The following MARCHF1 variants were observed in gnomAD, a reference collection of about 807,000 sequenced individuals.
MARCHF1 encodes membrane associated ring-CH-type finger 1, also known as E3 ubiquitin-protein ligase MARCHF1.
A neutral mutation model predicts 54.2 loss-of-function variants in MARCHF1; 40 were observed. The ratio of observed to expected loss-of-function variants is 0.74; its 90% CI spans 0.57 to 0.96. MARCHF1 has a LOEUF of 0.96. Among genes scored for constraint, MARCHF1 ranks in the 40% least tolerant of loss-of-function variants. The pLI is 0.00. For synonymous variants in MARCHF1, 236 were observed against 236.3 expected, an observed-to-expected ratio of 1.00 and a Z score of 0.01; for missense variants, 586 against 656.5, an observed-to-expected ratio of 0.89 and a Z score of 1.17.
At chr4:163,760,332 T>C (rs1216509408) in intron 4 of MARCHF1, among the ~76,000 whole-genome samples, 1 of 152,246 alleles carries the variant, frequency 6.6e-6, no homozygotes, top group Non-Finnish European at 1.5e-5. Context: ...AATCAGCTGA[T>C]TAGTCATCTT....
chr4:163,973,604 GA>G (rs1335937019), intron 3 of MARCHF1, among the ~76,000 whole-genome samples: 1 of 152,156 alleles, frequency 6.6e-6, no homozygotes, highest in Admixed American at 6.5e-5. Context: ...ACAGGGAGAT[GA>G]AAACAAATAC....
At position 163,528,941 on chromosome 4, in the gene MARCHF1, C is replaced by T. The variant is rs767993273; in HGVS notation, c.1445G>A (p.Trp482Ter). 1 of 1,613,298 alleles carries T rather than the reference C, an allele frequency of 6.2e-7. No homozygotes were observed. Among genetic ancestry groups the T allele is most frequent in the Non-Finnish European group, 8.5e-7 (1 of 1,179,556 alleles). Residue 482 changes from tryptophan (W) to a stop codon, truncating the protein, a stop_gained, in exon 10 of 10, where the codon TGG becomes TAG. Coordinates refer to ENST00000514618, the MANE Select transcript of MARCHF1 (RefSeq NM_001394959.1). LOFTEE classifies it high-confidence loss of function. ...ACGGTTGTAGGCCTTCAGCCTGCGC[C>T]ACAACTGAACATAGACTTTACACTG... is the stretch of plus-strand genomic sequence containing the variant. ...YVQCKVYVQL[W>*]RRLKAYNRVI... is the part of the protein sequence containing the mutation.
At chr4:163,826,427 C>CT (rs1173613885) in intron 4 of MARCHF1, among the ~76,000 whole-genome samples, 4 of 151,968 alleles carry the variant, frequency 2.6e-5, no homozygotes, top group Non-Finnish European at 5.9e-5. Flanking sequence ...AAAAATTTTA[C>CT]TTTGGATAAA....
intron 1 of MARCHF1, among the ~76,000 whole-genome samples, chr4:164,343,431 T>C (rs910652831): frequency 2.0e-5 from 3 of 152,106 alleles, no homozygotes; most frequent in Non-Finnish European, 4.4e-5. Flanking sequence ...ACAGACAACC[T>C]ACAGAATGGG....
intron 1 of MARCHF1, among the ~76,000 whole-genome samples, chr4:164,253,699 C>G (rs1227345516): frequency 6.6e-6 from 1 of 152,026 alleles, no homozygotes; most frequent in Non-Finnish European, 1.5e-5. Flanking sequence ...GAAATGAAAA[C>G]TTACATTCAC....
chr4:163,623,641 T>G (rs1222107020), intron 5 of MARCHF1, among the ~76,000 whole-genome samples: 1 of 152,208 alleles, frequency 6.6e-6, no homozygotes, highest in Non-Finnish European at 1.5e-5. Context: ...AGAGATACTT[T>G]GGATATTTCT....
chr4:164,111,405 A>G (rs1300612801), intron 2 of MARCHF1, among the ~76,000 whole-genome samples, 183 bp downstream of exon 2: 1 of 151,804 alleles, frequency 6.6e-6, no homozygotes, highest in Admixed American at 6.6e-5. Flanking sequence ...TAAGAAAGAA[A>G]TGCCTTTTCA....
intron 2 of MARCHF1, among the ~76,000 whole-genome samples, chr4:164,108,898 A>G (rs1024252262): frequency 5.3e-5 from 8 of 152,108 alleles, no homozygotes; most frequent in African/African-American, 1.4e-4. Flanking sequence ...TGTGATTTTT[A>G]AAAGTGCTTA....
At chr4:164,360,240 T>C (rs1196931694) in intron 1 of MARCHF1, among the ~76,000 whole-genome samples, 1 of 152,022 alleles carries the variant, frequency 6.6e-6, no homozygotes, top group Non-Finnish European at 1.5e-5. Flanking sequence ...AAAATCCAGA[T>C]TTTGCAAAAT....
chr4:163,635,357 T>C (rs1742275385), intron 5 of MARCHF1, among the ~76,000 whole-genome samples: 1 of 151,020 alleles, frequency 6.6e-6, no homozygotes, highest in Non-Finnish European at 1.5e-5. Context: ...CTAGCAAGAC[T>C]AATAAAAAAA....
intron 1 of MARCHF1, among the ~76,000 whole-genome samples, chr4:164,328,729 C>G (rs1282125807): frequency 6.6e-6 from 1 of 152,074 alleles, no homozygotes; most frequent in Non-Finnish European, 1.5e-5. Flanking sequence ...GGGGTTTCAC[C>G]ATGTTGCCCA....
At chr4:163,765,902 T>A (rs186245302) in intron 4 of MARCHF1, among the ~76,000 whole-genome samples, 8 of 147,720 alleles carry the variant, frequency 5.4e-5, no homozygotes, top group Non-Finnish European at 1.0e-4. Flanking sequence ...ATACATATAA[T>A]TATATATAAT....
chr4:163,979,087 T>C (rs1196178855), intron 3 of MARCHF1, among the ~76,000 whole-genome samples: 1 of 139,868 alleles, frequency 7.1e-6, no homozygotes, highest in Non-Finnish European at 1.5e-5. Flanking sequence ...TAGTTACATA[T>C]ATATACATGT....
chr4:163,620,606 CAGAGAG>C (rs138054709), intron 5 of MARCHF1, among the ~76,000 whole-genome samples: 2,535 of 56,636 alleles, frequency 0.045, 62 homozygotes, highest in African/African-American at 0.086. Context: ...CACACACACA[CAGAGAG>C]AGAGAGAGAG....
chr4:164,328,470 A>G (rs1403412553), intron 1 of MARCHF1, among the ~76,000 whole-genome samples: 1 of 152,198 alleles, frequency 6.6e-6, no homozygotes, highest in Non-Finnish European at 1.5e-5. Flanking sequence ...TACTAAAGAT[A>G]ATGTGCAACT....
At chr4:163,533,954 CTATT>C (rs1175337044) in intron 9 of MARCHF1, among the ~76,000 whole-genome samples, 1 of 151,836 alleles carries the variant, frequency 6.6e-6, no homozygotes, top group Non-Finnish European at 1.5e-5. Context: ...ATCTATACCT[CTATT>C]TATTTTATCG....
intron 1 of MARCHF1, among the ~76,000 whole-genome samples, chr4:164,331,735 A>G (rs1377452837): frequency 6.6e-6 from 1 of 152,182 alleles, no homozygotes; most frequent in African/African-American, 2.4e-5. Flanking sequence ...GACAAATTTT[A>G]AGTATGCTGA....
chr4:164,239,520 T>C (rs970780576), intron 1 of MARCHF1, among the ~76,000 whole-genome samples: 4 of 152,160 alleles, frequency 2.6e-5, no homozygotes, highest in South Asian at 2.1e-4. Context: ...TATAGTCAGA[T>C]AGTCCTTGAC....
intron 3 of MARCHF1, among the ~76,000 whole-genome samples, chr4:163,885,945 A>G (rs1750520992): frequency 6.8e-6 from 1 of 147,804 alleles, no homozygotes; most frequent in Non-Finnish European, 1.5e-5. Flanking sequence ...ATATATATAA[A>G]TATATATATT....
Sources: gnomAD v4.1 joint callset for allele counts (sites outside exome capture counted in the v4.1 genomes callset) on GRCh38, gnomAD v4.1.1 for gene constraint, MANE v1.5 for transcripts, NCBI Gene and HGNC (gene_info 2026-07-23, HGNC 2026-07-21) for gene names.